The following BCL9L variants were observed in gnomAD, a reference collection of about 807,000 sequenced individuals.
BCL9L encodes the protein B-cell CLL/lymphoma 9-like protein.
BCL9L carries 19 observed loss-of-function variants against 99.4 expected under a neutral mutation model. The ratio of observed to expected loss-of-function variants is 0.19; its 90% CI spans 0.13 to 0.28. BCL9L has a LOEUF of 0.28. Ranked by LOEUF, BCL9L falls within the 10% of genes least tolerant of loss-of-function variation. BCL9L has a pLI of 1.00. For synonymous variants in BCL9L, 900 were observed against 854.8 expected, an observed-to-expected ratio of 1.05 and a Z score of -0.92; for missense variants, 2,023 against 2,101.6, an observed-to-expected ratio of 0.96 and a Z score of 0.73.
intron 5 of BCL9L, among the ~76,000 whole-genome samples, chr11:118,907,208 C>T (rs1304570676): frequency 6.6e-6 from 1 of 152,174 alleles, no homozygotes; most frequent in African/African-American, 2.4e-5. Context: ...GCAGCATAGG[C>T]CAGGAATTCA....
At position 118,921,298 on chromosome 11, in the gene BCL9L, G is replaced by A. The variant is rs554397520; in HGVS notation, c.-130-2419C>T. ...CTTATACACACACACAAAGTAGTACGCAGCCATGTGCTAGCACACAAACTC... is the reference window on the plus strand; with the variant it reads ...CTTATACACACACACAAAGTAGTACACAGCCATGTGCTAGCACACAAACTC... On this transcript the variant is annotated intron_variant, in intron 1 of 9. Transcript: ENST00000683865. This position sits in a 1 kb window ranked among gnomAD's most constrained non-coding sequence, Gnocchi z 5.4. Among the ~76,000 whole-genome samples the A allele has an allele frequency of 3.9e-5, 6 of 152,230 alleles. No individual in the cohort carries two copies. The highest frequency in any genetic ancestry group is 1.4e-4 in the African/African-American group (6 of 41,526).
At chr11:118,906,685 T>TTCTC (rs112764353) in intron 5 of BCL9L, among the ~76,000 whole-genome samples, 1 of 151,600 alleles carries the variant, frequency 6.6e-6, no homozygotes, top group Non-Finnish European at 1.5e-5. Flanking sequence ...TTTCCTTTCT[T>TTCTC]TCTCTCTCTC....
At chr11:118,919,169 G>A (rs11217089) in intron 1 of BCL9L, among the ~76,000 whole-genome samples, 3 of 137,954 alleles carry the variant, frequency 2.2e-5, no homozygotes, top group Admixed American at 7.4e-5. Flanking sequence ...CTGGAAGCAG[G>A]AGAGGAGGAG....
At chr11:118,907,228 G>A (rs1013651978) in intron 5 of BCL9L, among the ~76,000 whole-genome samples, 1 of 152,188 alleles carries the variant, frequency 6.6e-6, no homozygotes, top group Non-Finnish European at 1.5e-5. Context: ...ACAGGTAGAG[G>A]TGCAGGTGAC....
chr11:118,908,118 T>C, intron 4 of BCL9L, 152 bp downstream of exon 4: 1 of 1,124,794 alleles, frequency 8.9e-7, no homozygotes, highest in Non-Finnish European at 1.2e-6. Flanking sequence ...ATGATCTGGT[T>C]GGTGGGTGTT....
chr11:118,905,706 A>T (rs1940486540), intron 5 of BCL9L, among the ~76,000 whole-genome samples: 1 of 150,872 alleles, frequency 6.6e-6, no homozygotes. Context: ...AATCCCAGCT[A>T]CTCGGGAGGC....
In BCL9L at chr11:118,900,942, G is replaced by A. The variant is rs762355061; in HGVS notation, c.2801C>T (p.Ser934Leu). The A allele has an allele frequency of 8.3e-6, 13 of 1,557,042 alleles. No individual in the cohort carries two copies. Among genetic ancestry groups the A allele is most frequent in the African/African-American group, 1.4e-5 (1 of 73,570 alleles). Residue 934 changes from serine to leucine, a missense_variant, in exon 8 of 10, where the codon TCG becomes TTG. Physicochemically the swap from Ser to Leu is moderately radical, Grantham distance 145 (BLOSUM62 -2). Transcript: ENST00000683865. The surrounding 1 kb of genome is among the most constrained non-coding windows in gnomAD (Gnocchi z 5.3). The part of the protein sequence containing the change: ...MGSPGMGHLK[S>L]PTLSQVHSPL... ...TGAGTGCACCTGGCTAAGGGTGGGC[G>A]ACTTCAAGTGCCCCATGCCCGGTGA...
Position 118,899,157 on chromosome 11 carries a change from T to G in BCL9L, c.3758A>C (p.Gln1253Pro). The G allele has an allele frequency of 6.7e-7, 1 of 1,499,048 alleles. No individual in the cohort carries two copies. Among genetic ancestry groups the G allele is most frequent in the Non-Finnish European group, 8.9e-7 (1 of 1,121,046 alleles). The allele number at this position is 1,499,048 out of a possible 1,614,324, so 92.9% of individuals were successfully genotyped here. A position where few individuals can be genotyped will look rare whatever the true frequency, so the allele number is the denominator to read the frequency against. Residue 1253 changes from glutamine (Q) to proline (P), a missense_variant, in exon 10 of 10, where the codon CAG becomes CCG. Gln to Pro is a moderately conservative substitution (Grantham distance 76, BLOSUM62 -1). Transcript: ENST00000683865. ...CAGGGCCATGCCTGACGGGTAGTGC[T>G]GCTGCAGGCCAGGCCCCCCGCCCCC... ...GGGGGGPGLQ[Q>P]HYPSGMALPP... is the part of the protein sequence containing the mutation.
At chr11:118,907,814 C>G (rs769491678) in intron 4 of BCL9L, among the ~76,000 whole-genome samples, 1 of 152,244 alleles carries the variant, frequency 6.6e-6, no homozygotes, top group Non-Finnish European at 1.5e-5. Flanking sequence ...CCCCTCCCCC[C>G]CAACACCAAG....
In BCL9L at chr11:118,896,286, T is replaced by TG. The variant is rs1939916187; in HGVS notation, c.*2128_*2129insC. 1.2e-5 allele frequency: 2 copies of TG among 163,136 alleles called. No individual in the cohort carries two copies. The highest frequency in any genetic ancestry group is 2.9e-5 in the Non-Finnish European group (2 of 67,802). The allele number at this position is 163,136 out of a possible 1,614,324, so 10.1% of individuals were successfully genotyped here. On this transcript the variant is annotated 3_prime_UTR_variant, in exon 10 of 10. Coordinates refer to ENST00000683865, the MANE Select transcript of BCL9L (RefSeq NM_001378213.1). Reference sequence around the variant, plus strand: ...CACATATTGTATTTATATATTTATATTTATATATATATTTATATAATGGTA... The same window carrying TG: ...CACATATTGTATTTATATATTTATATGTTATATATATATTTATATAATGGTA...
rs1281755009 is a variant in BCL9L, at chr11:118,897,829, G to A, written c.*586C>T. 1.1e-5 allele frequency: 5 copies of A among 456,508 alleles called. No individual in the cohort carries two copies. Among genetic ancestry groups the A allele is most frequent in the East Asian group, 6.9e-5 (1 of 14,394 alleles). 28.3% of individuals were successfully genotyped at this position (456,508 alleles called of 1,614,324 possible). On this transcript the variant is annotated 3_prime_UTR_variant, in exon 10 of 10. Coordinates refer to ENST00000683865, the MANE Select transcript of BCL9L (RefSeq NM_001378213.1). ...GCACAAACCAGCACAAAAGCGCAGC[G>A]CTCTATTTACAGCTCCGGCTGGCAC... is the stretch of plus-strand genomic sequence containing the variant.
Position 118,897,017 on chromosome 11 carries a change from G to A in BCL9L, c.*1398C>T, listed in dbSNP as rs1225842887. ...CAAGGGGGAGGCAGTGGCTGTGCCT[G>A]GGTGGGCACAGACAGATCTGGTACA... On this transcript the variant is annotated 3_prime_UTR_variant, in exon 10 of 10. Coordinates refer to ENST00000683865, the MANE Select transcript of BCL9L (RefSeq NM_001378213.1). 1.0e-4 allele frequency: 16 copies of A among 153,022 alleles called. 1 individual carries two copies. The Admixed American group carries it at 1.0e-3, about 10-fold the overall frequency. 9.5% of individuals were successfully genotyped at this position (153,022 alleles called of 1,614,324 possible).
chr11:118,898,294 G>GCCCCCAGCC lies in BCL9L; in HGVS notation c.*120_*121insGGCTGGGGG. 6.6e-6 allele frequency: 3 copies of GCCCCCAGCC among 452,312 alleles called. 1 individual carries two copies. Among genetic ancestry groups the GCCCCCAGCC allele is most frequent in the African/African-American group, 2.0e-5 (1 of 49,078 alleles). The allele number at this position is 452,312 out of a possible 1,614,324, so 28.0% of individuals were successfully genotyped here. The stretch of plus-strand genomic sequence containing the variant: ...TCCACAAATGCCACTCCCTACACAA[G>GCCCCCAGCC]CCCCCTCCCACCCCCTCCACCCCAC... On this transcript the variant is annotated 3_prime_UTR_variant, in exon 10 of 10. Transcript: ENST00000683865.
At chr11:118,908,786 ACCACCAG>A in intron 3 of BCL9L, 131 bp from the exon 4 acceptor site, 1 of 688,230 alleles carries the variant, frequency 1.5e-6, no homozygotes, top group South Asian at 1.9e-5. Context: ...TCTCAAGACC[ACCACCAG>A]CTATTCTCTA....
At chr11:118,899,595 A>AG in intron 9 of BCL9L, 87 bp from the exon 10 acceptor site, 1 of 1,509,604 alleles carries the variant, frequency 6.6e-7, no homozygotes, top group Non-Finnish European at 9.0e-7. Flanking sequence ...CTCCCAAGCC[A>AG]GGGGGTGCCA....
rs1439773467 is a variant in BCL9L at position 118,909,999 on chromosome 11, C to T, written c.-60G>A. On this transcript the variant is annotated 5_prime_UTR_variant, in exon 3 of 10. Transcript: ENST00000683865. Reference sequence around the variant, plus strand: ...CGTGCCCAGGGCCCAGCCAGGTACTCGGTACTGGAGCACGGACTGCAGCAA... The same window carrying T: ...CGTGCCCAGGGCCCAGCCAGGTACTTGGTACTGGAGCACGGACTGCAGCAA... 5 of 1,611,820 alleles carry T rather than the reference C, an allele frequency of 3.1e-6. No homozygotes were observed. The highest frequency in any genetic ancestry group is 4.2e-6 in the Non-Finnish European group (5 of 1,178,534).
At chr11:118,917,613 C>T (rs192355537) in intron 2 of BCL9L, among the ~76,000 whole-genome samples, 11 of 152,252 alleles carry the variant, frequency 7.2e-5, no homozygotes, top group Admixed American at 1.3e-4. Flanking sequence ...TGTCCAGGCC[C>T]CACCCTCTCA....
At chr11:118,911,764 C>T (rs1215598787) in intron 2 of BCL9L, among the ~76,000 whole-genome samples, 1 of 152,266 alleles carries the variant, frequency 6.6e-6, no homozygotes, top group Non-Finnish European at 1.5e-5. Context: ...GACCCCACCT[C>T]CCCACGCCAG....
rs1393362600 is a variant in BCL9L at position 118,900,915 on chromosome 11, G to A, written c.2828C>T (p.Pro943Leu). The change falls in exon 8 of 10, where the codon CCC (proline) becomes CTC (leucine). Residue 943 changes from proline (P) to leucine (L), a missense_variant. Coordinates refer to ENST00000683865, the MANE Select transcript of BCL9L (RefSeq NM_001378213.1). The surrounding 1 kb of genome is among the most constrained non-coding windows in gnomAD (Gnocchi z 5.3). ...KSPTLSQVHS[P>L]LVTSPSANLK... ...GTTGGCAGAGGGCGAGGTGACCAGG[G>A]GTGAGTGCACCTGGCTAAGGGTGGG... is the stretch of plus-strand genomic sequence containing the variant. 1 of 1,581,342 alleles carries A rather than the reference G, an allele frequency of 6.3e-7. No homozygotes were observed. The highest frequency in any genetic ancestry group is 1.2e-5 in the South Asian group (1 of 85,702).
Sources: allele counts gnomAD v4.1 joint callset (sites outside exome capture counted in the v4.1 genomes callset), GRCh38; gene constraint gnomAD v4.1.1; non-coding constraint Gnocchi (gnomAD v3.1); transcripts MANE v1.5; gene names NCBI Gene and HGNC (gene_info 2026-07-23, HGNC 2026-07-21).